FER1L6: variants seen among roughly 807,000 people sequenced by gnomAD.
FER1L6 encodes fer-1-like protein 6.
FER1L6 carries 177 observed loss-of-function variants against 219.2 expected under a neutral mutation model. The ratio of observed to expected loss-of-function variants is 0.81; its 90% confidence interval spans 0.71 to 0.91. The LOEUF is 0.91. Among genes scored for constraint, FER1L6 ranks in the 40% least tolerant of loss-of-function variants. FER1L6 has a pLI of 0.00. For missense variants in FER1L6, 2,153 were observed against 2,259.9 expected (o/e 0.95, Z 0.96); for synonymous variants, 768 against 824.3 (o/e 0.93, Z 1.17).
At chr8:124,058,877 C>T (rs1434600492) in intron 22 of FER1L6, 1 of 152,226 alleles carries the variant, frequency 6.6e-6, no homozygotes, top group African/African-American at 2.4e-5. Flanking sequence ...GCTTCATTAC[C>T]TTAAGCCTAT....
At chr8:124,043,283 C>A (rs1819584760) in intron 20 of FER1L6, among the ~76,000 whole-genome samples, 1 of 152,128 alleles carries the variant, frequency 6.6e-6, no homozygotes, top group Non-Finnish European at 1.5e-5. Context: ...ATGAGGAAAA[C>A]TAAGGTTTGG....
intron 27 of FER1L6, 72 bp from the exon 28 acceptor site, chr8:124,067,695 T>C: frequency 2.3e-6 from 3 of 1,311,626 alleles, no homozygotes. Context: ...TGCAGAGGGC[T>C]GAGATAATTG....
intron 37 of FER1L6, among the ~76,000 whole-genome samples, chr8:124,100,712 A>G (rs1046684422): frequency 3.3e-5 from 5 of 152,174 alleles, no homozygotes; most frequent in African/African-American, 9.7e-5. Context: ...TCCTCAGTGT[A>G]GTGGGTAATC....
At chr8:123,876,486 A>ATT (rs141639119) in intron 1 of FER1L6, among the ~76,000 whole-genome samples, 8 of 151,440 alleles carry the variant, frequency 5.3e-5, no homozygotes, top group East Asian at 2.0e-4. Flanking sequence ...ACTTGGCTAC[A>ATT]TTTTTTTTGT....
intron 1 of FER1L6, among the ~76,000 whole-genome samples, chr8:123,914,658 A>G (rs1259280285): frequency 6.6e-6 from 1 of 152,194 alleles, no homozygotes; most frequent in Non-Finnish European, 1.5e-5. Context: ...AGCTGCTAAA[A>G]AGAGGAAGAA....
At chr8:124,035,673 T>C (rs542237657) in intron 19 of FER1L6, among the ~76,000 whole-genome samples, 7 of 152,366 alleles carry the variant, frequency 4.6e-5, no homozygotes, top group Admixed American at 1.3e-4. Flanking sequence ...TAAACACTTA[T>C]GTTTCTCTGT....
chr8:124,012,644 G>A (rs1443648247), intron 14 of FER1L6, among the ~76,000 whole-genome samples: 1 of 152,238 alleles, frequency 6.6e-6, no homozygotes, highest in African/African-American at 2.4e-5. Flanking sequence ...TAATTCACTT[G>A]TAAGTGATAG....
intron 1 of FER1L6, among the ~76,000 whole-genome samples, chr8:123,934,099 TATA>T (rs1813890233): frequency 6.6e-6 from 1 of 152,156 alleles, no homozygotes; most frequent in African/African-American, 2.4e-5. Context: ...AGGAAATTGG[TATA>T]ATACTATACT....
intron 17 of FER1L6, among the ~76,000 whole-genome samples, chr8:124,022,173 G>A (rs1427111703): frequency 1.3e-5 from 2 of 152,200 alleles, no homozygotes; most frequent in African/African-American, 2.4e-5. Flanking sequence ...TTCAGGAAGC[G>A]AGATTTACTG....
chr8:123,909,765 A>G (rs77803440), intron 1 of FER1L6, among the ~76,000 whole-genome samples: 1 of 8,084 alleles, frequency 1.2e-4, no homozygotes, highest in East Asian at 1.6e-3. Flanking sequence ...GTCCTTGTCA[A>G]CTAGGGGATG....
chr8:123,853,514 A>G lies in FER1L6; in HGVS notation c.-8+1329A>G, dbSNP rs933455596. Among the ~76,000 whole-genome samples, 3 of 152,208 alleles carry G rather than the reference A, an allele frequency of 2.0e-5. No individual in the cohort carries two copies. The highest frequency in any genetic ancestry group is 2.0e-4 in the Admixed American group (3 of 15,282). ...TTAGAAAGGTCTTAATGAGGAAATG[A>G]TACAGATGATGATTTGGACCCAAGG... On this transcript the variant is annotated intron_variant, in intron 1 of 40. Transcript: ENST00000522917. This position sits in a 1 kb window ranked among gnomAD's most constrained non-coding sequence, Gnocchi z 6.6.
intron 1 of FER1L6, among the ~76,000 whole-genome samples, chr8:123,868,819 T>G (rs1816878153): frequency 6.6e-6 from 1 of 152,202 alleles, no homozygotes; most frequent in Non-Finnish European, 1.5e-5. Context: ...ACCTAATGGT[T>G]CCACCAGGCA....
intron 1 of FER1L6, among the ~76,000 whole-genome samples, chr8:123,944,337 A>G (rs1340778448): frequency 6.7e-6 from 1 of 149,924 alleles, no homozygotes; most frequent in Non-Finnish European, 1.5e-5. Context: ...CATCCATTTT[A>G]TTATCAAATA....
chr8:123,932,837 T>TTG (rs1813826482), intron 1 of FER1L6, among the ~76,000 whole-genome samples: 2 of 152,224 alleles, frequency 1.3e-5, no homozygotes, highest in Non-Finnish European at 2.9e-5. Flanking sequence ...AGAGTATAAA[T>TTG]TCTACCCTTC....
intron 38 of FER1L6, 48 bp from the exon 39 acceptor site, chr8:124,103,098 T>G: frequency 6.4e-7 from 1 of 1,550,496 alleles, no homozygotes; most frequent in Non-Finnish European, 8.9e-7. Context: ...AGCTCTTCTG[T>G]TACTTTTAGA....
intron 1 of FER1L6, among the ~76,000 whole-genome samples, chr8:123,894,301 A>G (rs1812708053): frequency 1.3e-5 from 2 of 152,120 alleles, no homozygotes; most frequent in Non-Finnish European, 2.9e-5. Context: ...CTTGCCTACT[A>G]TATAAACCCT....
At chr8:124,098,213 A>G (rs2130972576) in intron 37 of FER1L6, among the ~76,000 whole-genome samples, 1 of 152,352 alleles carries the variant, frequency 6.6e-6, no homozygotes, top group East Asian at 1.9e-4. Context: ...TTAATGAAAG[A>G]TTAATATGTT....
At chr8:123,898,772 T>TATATAC (rs1563677537) in intron 1 of FER1L6, among the ~76,000 whole-genome samples, 1 of 102,132 alleles carries the variant, frequency 9.8e-6, no homozygotes, top group Non-Finnish European at 2.4e-5. Flanking sequence ...TATATATGTG[T>TATATAC]ATATATACGT....
At chr8:123,962,276 T>C (rs190260936) in intron 2 of FER1L6, among the ~76,000 whole-genome samples, 33 of 152,310 alleles carry the variant, frequency 2.2e-4, no homozygotes, top group Non-Finnish European at 4.4e-4. Flanking sequence ...GAACAGGGGC[T>C]GGGAGTCAGT....
Sources: allele counts gnomAD v4.1 joint callset (sites outside exome capture counted in the v4.1 genomes callset), GRCh38; gene constraint gnomAD v4.1.1; non-coding constraint Gnocchi (gnomAD v3.1); transcripts MANE v1.5; gene names NCBI Gene and HGNC (gene_info 2026-07-23, HGNC 2026-07-21).